Variants in ATG5 observed in about 807,000 individuals in gnomAD.
The protein encoded by ATG5 is autophagy related 5, also known as autophagy protein 5.
Under a neutral mutation model 36.5 loss-of-function variants are expected in ATG5, and 14 were observed. The observed-to-expected ratio is 0.38, with a 90% CI of 0.25 to 0.60. ATG5 has a LOEUF of 0.60. Among genes scored for constraint, ATG5 ranks in the 20% least tolerant of loss-of-function variants. The pLI, the probability that ATG5 is intolerant of heterozygous loss-of-function variation, is 0.60. For missense variants in ATG5, 195 were observed against 326.7 expected, an observed-to-expected ratio of 0.60 and a Z score of 3.11; for synonymous variants, 95 against 101.5, an observed-to-expected ratio of 0.94 and a Z score of 0.38.
Position 106,186,518 on chromosome 6 carries a change from G to C in ATG5, c.*22C>G. 2 of 1,611,564 alleles carry C rather than the reference G, an allele frequency of 1.2e-6. No homozygotes were observed. The highest frequency in any genetic ancestry group is 1.7e-6 in the Non-Finnish European group (2 of 1,178,006). ...ATAAATCCCATTTAAGGATGATTCT[G>C]TTCAGGCAAATAGTTGATCCTTCAA... On this transcript the variant is annotated 3_prime_UTR_variant, in exon 8 of 8. Transcript: ENST00000369076.
At chr6:106,238,196 A>C (rs1777971233) in intron 6 of ATG5, among the ~76,000 whole-genome samples, 1 of 152,132 alleles carries the variant, frequency 6.6e-6, no homozygotes, top group Admixed American at 6.6e-5. Flanking sequence ...TTAGAGACGG[A>C]GTCTTGCTCT....
chr6:106,291,210 A>G (rs1780293899), intron 4 of ATG5, among the ~76,000 whole-genome samples: 1 of 152,234 alleles, frequency 6.6e-6, no homozygotes, highest in Non-Finnish European at 1.5e-5. Flanking sequence ...TCCATCATAC[A>G]GGATACTAAA....
chr6:106,192,287 C>T (rs982800417), intron 7 of ATG5, among the ~76,000 whole-genome samples: 7 of 151,270 alleles, frequency 4.6e-5, no homozygotes, highest in African/African-American at 9.7e-5. Context: ...TTATGTTATA[C>T]ATTTTAAGTA....
chr6:106,191,165 GACTTTCTGAATC>G (rs1454351686), intron 7 of ATG5, among the ~76,000 whole-genome samples: 1 of 152,156 alleles, frequency 6.6e-6, no homozygotes, highest in Non-Finnish European at 1.5e-5. Flanking sequence ...CTCCTCTCCA[GACTTTCTGAATC>G]AATTTCTGGG....
intron 6 of ATG5, among the ~76,000 whole-genome samples, chr6:106,221,484 G>C (rs772631177): frequency 6.6e-6 from 1 of 151,820 alleles, no homozygotes; most frequent in Non-Finnish European, 1.5e-5. Flanking sequence ...CCAGGAATTC[G>C]AGACCAACCT....
intron 6 of ATG5, among the ~76,000 whole-genome samples, chr6:106,205,620 A>C (rs1054613480): frequency 6.6e-6 from 1 of 152,246 alleles, no homozygotes; most frequent in African/African-American, 2.4e-5. Flanking sequence ...TCTTGGTTAC[A>C]TATTAAAAAA....
chr6:106,192,251 TAAAA>T (rs760275195), intron 7 of ATG5, among the ~76,000 whole-genome samples: 18 of 142,092 alleles, frequency 1.3e-4, no homozygotes, highest in African/African-American at 4.1e-4. Flanking sequence ...AACATTCAGG[TAAAA>T]AAAAAAAACC....
At position 106,199,516 on chromosome 6, in the gene ATG5, A is replaced by G. The variant is rs568473334; in HGVS notation, c.691+2456T>C. ...GTGAAATATAATAGGCAAATTATAG[A>G]GACAGAAAACAGACCAGTGGTTGTT... On this transcript the variant is annotated intron_variant, in intron 7 of 7. Coordinates refer to ENST00000369076, the MANE Select transcript of ATG5 (RefSeq NM_004849.4). 5.9e-5 allele frequency among the ~76,000 whole-genome samples: 9 copies of G among 152,348 alleles called. No homozygotes were observed. The East Asian group carries it at 1.5e-3, about 26-fold the overall frequency.
intron 3 of ATG5, among the ~76,000 whole-genome samples, chr6:106,297,924 G>A (rs1770031177): frequency 6.6e-6 from 1 of 151,320 alleles, no homozygotes; most frequent in Non-Finnish European, 1.5e-5. Context: ...AATTAGCCAG[G>A]CATGATCTGT....
intron 5 of ATG5, among the ~76,000 whole-genome samples, chr6:106,253,113 T>C (rs186949080): frequency 6.6e-6 from 1 of 152,214 alleles, no homozygotes; most frequent in African/African-American, 2.4e-5. Context: ...CGTAATATGT[T>C]AAACATCTCT....
chr6:106,312,588 G>A (rs1770688761), intron 2 of ATG5, among the ~76,000 whole-genome samples: 1 of 147,062 alleles, frequency 6.8e-6, no homozygotes, highest in African/African-American at 2.5e-5. Flanking sequence ...CAATATTAAG[G>A]AATAAACAAA....
intron 6 of ATG5, among the ~76,000 whole-genome samples, chr6:106,221,030 G>T (rs1777227672): frequency 6.6e-6 from 1 of 152,174 alleles, no homozygotes; most frequent in South Asian, 2.1e-4. Flanking sequence ...AATGTATTAT[G>T]CCAGCAGTAA....
intron 5 of ATG5, among the ~76,000 whole-genome samples, chr6:106,264,338 G>A (rs549547993): frequency 1.3e-5 from 2 of 152,206 alleles, no homozygotes; most frequent in East Asian, 3.9e-4. Context: ...AGAAATATGG[G>A]ACTATGTGAA....
intron 5 of ATG5, among the ~76,000 whole-genome samples, chr6:106,272,431 C>T (rs1284650542): frequency 6.6e-6 from 1 of 152,188 alleles, no homozygotes; most frequent in Non-Finnish European, 1.5e-5. Context: ...CTCCTTACCA[C>T]TCTCGATCTT....
chr6:106,189,277 A>T (rs1775884137), intron 7 of ATG5, among the ~76,000 whole-genome samples: 1 of 152,128 alleles, frequency 6.6e-6, no homozygotes, highest in South Asian at 2.1e-4. Flanking sequence ...ATAACAACAA[A>T]GTATGAAGGA....
intron 5 of ATG5, among the ~76,000 whole-genome samples, chr6:106,276,340 T>C (rs1346615661): frequency 6.6e-6 from 1 of 151,988 alleles, no homozygotes; most frequent in Non-Finnish European, 1.5e-5. Flanking sequence ...GGCAGCCACC[T>C]GTAGTCCCAG....
chr6:106,315,097 T>C (rs144376736), intron 2 of ATG5, among the ~76,000 whole-genome samples: 178 of 152,274 alleles, frequency 1.2e-3, no homozygotes, highest in African/African-American at 4.2e-3. Context: ...AACAGTCCTA[T>C]ACCCAAAAAG....
chr6:106,204,628 C>G (rs1354820036), intron 6 of ATG5, among the ~76,000 whole-genome samples: 1 of 152,146 alleles, frequency 6.6e-6, no homozygotes, highest in Middle Eastern at 3.4e-3. Context: ...ATGTTGTTCT[C>G]GTGATACTGA....
chr6:106,220,366 T>C (rs1406634803), intron 6 of ATG5, among the ~76,000 whole-genome samples: 2 of 152,084 alleles, frequency 1.3e-5, no homozygotes, highest in Admixed American at 6.6e-5. Context: ...AAGTATAATA[T>C]AAAATCCCAA....
Sources: gnomAD v4.1 joint callset for allele counts (sites outside exome capture counted in the v4.1 genomes callset) on GRCh38, gnomAD v4.1.1 for gene constraint, MANE v1.5 for transcripts, NCBI Gene and HGNC (gene_info 2026-07-23, HGNC 2026-07-21) for gene names.